Variants in PLXDC2 observed in about 807,000 individuals in gnomAD.
PLXDC2 encodes the protein plexin domain containing 2.
Under a neutral mutation model 68.9 loss-of-function variants are expected in PLXDC2, and 40 were observed. The observed-to-expected ratio is 0.58, with a 90% CI of 0.45 to 0.76. PLXDC2 has a LOEUF of 0.76. Among genes scored for constraint, PLXDC2 ranks in the 30% least tolerant of loss-of-function variants. The pLI, the probability that PLXDC2 is intolerant of heterozygous loss-of-function variation, is 0.00. For missense variants in PLXDC2, 644 were observed against 661.9 expected (o/e 0.97, Z 0.30); for synonymous variants, 243 against 234.2 (o/e 1.04, Z -0.34).
intron 2 of PLXDC2, among the ~76,000 whole-genome samples, chr10:20,012,318 TTTTTTTTTTTTTTTTTGG>T (rs1269231526): frequency 1.0e-4 from 2 of 19,336 alleles, no homozygotes; most frequent in Non-Finnish European, 2.7e-4. Context: ...TTATTTTTTT[TTTTTTTTTTTTTTTTTGG>T]AGAAGGAGAC....
At chr10:20,041,407 T>C (rs1835679241) in intron 2 of PLXDC2, among the ~76,000 whole-genome samples, 1 of 152,056 alleles carries the variant, frequency 6.6e-6, no homozygotes, top group Non-Finnish European at 1.5e-5. Context: ...TGAATTTTTT[T>C]CCTCCATATA....
At chr10:19,850,879 C>G (rs1458733337) in intron 1 of PLXDC2, among the ~76,000 whole-genome samples, 1 of 152,128 alleles carries the variant, frequency 6.6e-6, no homozygotes, top group African/African-American at 2.4e-5. Flanking sequence ...TCAGAGGGCT[C>G]TCTGCTTCAA....
chr10:19,885,151 C>T (rs1389867289), intron 1 of PLXDC2, among the ~76,000 whole-genome samples: 1 of 152,102 alleles, frequency 6.6e-6, no homozygotes, highest in Admixed American at 6.6e-5. Context: ...TAAATGTCTT[C>T]TTTTGAGAAG....
At chr10:19,965,675 G>T (rs1395492669) in intron 1 of PLXDC2, among the ~76,000 whole-genome samples, 1 of 147,646 alleles carries the variant, frequency 6.8e-6, no homozygotes, top group Non-Finnish European at 1.5e-5. Flanking sequence ...AACCATCCCG[G>T]TCTGCAGGAG....
chr10:19,833,501 A>G (rs1173392306), intron 1 of PLXDC2, among the ~76,000 whole-genome samples: 2 of 152,252 alleles, frequency 1.3e-5, no homozygotes, highest in Non-Finnish European at 2.9e-5. Context: ...GTGCGTTAAA[A>G]GAACACTCAA....
intron 8 of PLXDC2, 55 bp downstream of exon 8, chr10:20,177,149 G>A: frequency 7.0e-7 from 1 of 1,433,632 alleles, no homozygotes; most frequent in Non-Finnish European, 9.8e-7. Flanking sequence ...TTGATGATCT[G>A]ATCTGTTCAA....
intron 5 of PLXDC2, among the ~76,000 whole-genome samples, chr10:20,144,743 A>C (rs1834050676): frequency 6.6e-6 from 1 of 152,184 alleles, no homozygotes; most frequent in Admixed American, 6.5e-5. Flanking sequence ...CTACGGAAAC[A>C]ATAAATGATT....
At chr10:20,023,666 T>C (rs771696863) in intron 2 of PLXDC2, among the ~76,000 whole-genome samples, 3 of 152,154 alleles carry the variant, frequency 2.0e-5, no homozygotes, top group Non-Finnish European at 2.9e-5. Context: ...TTCTGTTCAT[T>C]ATAAATTACC....
intron 4 of PLXDC2, among the ~76,000 whole-genome samples, chr10:20,080,018 G>A (rs1334229221): frequency 6.6e-6 from 1 of 152,018 alleles, no homozygotes; most frequent in African/African-American, 2.4e-5. Context: ...ACAGTGAAAG[G>A]ACTGTTCTCC....
At chr10:20,224,569 T>A (rs2131871250) in intron 12 of PLXDC2, among the ~76,000 whole-genome samples, 1 of 152,298 alleles carries the variant, frequency 6.6e-6, no homozygotes, top group Non-Finnish European at 1.5e-5. Context: ...TACCCAGGGC[T>A]GAGAAGACAT....
rs1428556573 is a variant in PLXDC2 at position 20,014,489 on chromosome 10, CTCTT to C, written c.324+12507_324+12510del. On this transcript the variant is annotated intron_variant, in intron 2 of 13. Coordinates refer to ENST00000377252, the MANE Select transcript of PLXDC2 (RefSeq NM_032812.9). ...TCTTTCTTTTTTTTCCTTTCTTTCTCTCTTTCTGTCATCAACCCATCCAAGGTAA... is the reference window on the plus strand; with the variant it reads ...TCTTTCTTTTTTTTCCTTTCTTTCTCTCTGTCATCAACCCATCCAAGGTAA... 1.8e-4 allele frequency among the ~76,000 whole-genome samples: 27 copies of C among 148,846 alleles called. 2 individuals are homozygous for C. The highest frequency in any genetic ancestry group is 6.7e-4 in the African/African-American group (27 of 40,438).
At chr10:20,244,833 A>G (rs1835566834) in intron 12 of PLXDC2, among the ~76,000 whole-genome samples, 1 of 152,162 alleles carries the variant, frequency 6.6e-6, no homozygotes, top group Non-Finnish European at 1.5e-5. Context: ...TTTAAAACAC[A>G]GGCCAGGTGC....
intron 13 of PLXDC2, among the ~76,000 whole-genome samples, chr10:20,278,070 G>T (rs72795943): frequency 0.021 from 3,189 of 152,178 alleles, 49 homozygotes; most frequent in Middle Eastern, 0.068. Context: ...TATGTACCAC[G>T]TTTTTTTCAT....
chr10:20,109,923 C>A (rs139550303), intron 4 of PLXDC2, among the ~76,000 whole-genome samples: 2 of 152,334 alleles, frequency 1.3e-5, no homozygotes, highest in African/African-American at 4.8e-5. Context: ...AAGCACAGTT[C>A]TCATTCCCAA....
chr10:20,152,924 A>G (rs539299363), intron 6 of PLXDC2, among the ~76,000 whole-genome samples: 3 of 152,302 alleles, frequency 2.0e-5, no homozygotes, highest in African/African-American at 7.2e-5. Flanking sequence ...GGCAGTTGGT[A>G]CAGAACAGAT....
At chr10:20,126,773 T>C (rs200939011) in intron 4 of PLXDC2, among the ~76,000 whole-genome samples, 1,480 of 10,622 alleles carry the variant, frequency 0.14, 527 homozygotes, top group African/African-American at 0.49. Flanking sequence ...AGAACACACA[T>C]GTTATATATG....
chr10:20,045,723 T>C (rs1170323655), intron 2 of PLXDC2, among the ~76,000 whole-genome samples: 1 of 152,162 alleles, frequency 6.6e-6, no homozygotes, highest in Non-Finnish European at 1.5e-5. Flanking sequence ...AGATGATAAA[T>C]GAATTACACA....
chr10:20,033,708 C>T (rs532142921), intron 2 of PLXDC2, among the ~76,000 whole-genome samples: 1 of 152,124 alleles, frequency 6.6e-6, no homozygotes, highest in Non-Finnish European at 1.5e-5. Flanking sequence ...GAAAGATTCA[C>T]CCCCATGATT....
intron 4 of PLXDC2, among the ~76,000 whole-genome samples, chr10:20,142,680 C>T (rs1283735873): frequency 1.3e-5 from 2 of 151,894 alleles, no homozygotes; most frequent in Non-Finnish European, 2.9e-5. Flanking sequence ...CAATGTTTTA[C>T]CACCTTACCT....
Sources: allele counts gnomAD v4.1 joint callset (sites outside exome capture counted in the v4.1 genomes callset), GRCh38; gene constraint gnomAD v4.1.1; transcripts MANE v1.5; gene names NCBI Gene and HGNC (gene_info 2026-07-23, HGNC 2026-07-21).